IP6K2: variants seen among roughly 807,000 people sequenced by gnomAD.
IP6K2 encodes ATP:1D-myo-inositol-hexakisphosphate phosphotransferase.
A neutral mutation model predicts 43.3 loss-of-function variants in IP6K2; 9 were observed. The observed-to-expected ratio is 0.21, with a 90% CI of 0.13 to 0.36. The LOEUF (loss-of-function observed/expected upper bound fraction) is 0.36. IP6K2 is among the 10% of genes least tolerant of loss of function. IP6K2 has a pLI of 1.00. For synonymous variants in IP6K2, 209 were observed against 202.4 expected (o/e 1.03, Z -0.28); for missense variants, 332 against 538.4 (o/e 0.62, Z 3.79).
chr3:48,693,857 G>C, intron 2 of IP6K2: 1 of 1,167,800 alleles, frequency 8.6e-7, no homozygotes, highest in Non-Finnish European at 1.1e-6. Flanking sequence ...TGGTTGGGGA[G>C]CACAGACATG....
intron 1 of IP6K2, among the ~76,000 whole-genome samples, chr3:48,713,977 T>G (rs1209199104): frequency 6.6e-6 from 1 of 151,118 alleles, no homozygotes; most frequent in Non-Finnish European, 1.5e-5. Context: ...ATTAGCCAGG[T>G]GCGGTGGCAC....
At chr3:48,697,021 CTTT>C (rs1174990891) in intron 1 of IP6K2, among the ~76,000 whole-genome samples, 1 of 143,884 alleles carries the variant, frequency 7.0e-6, no homozygotes, top group Non-Finnish European at 1.5e-5. Flanking sequence ...TGAATTTTTA[CTTT>C]TTTTTTTTTT....
intron 4 of IP6K2, among the ~76,000 whole-genome samples, chr3:48,690,133 A>T (rs1400984486): frequency 6.6e-6 from 1 of 152,224 alleles, no homozygotes; most frequent in Non-Finnish European, 1.5e-5. Context: ...TTTGCTCTTT[A>T]AACGTCTGCT....
At position 48,695,054 on chromosome 3, in the gene IP6K2, G is replaced by A. The variant is rs758121580; in HGVS notation, c.202+36C>T. ...TGGCCACGATCTCTCACATCTCCTCGCCAGTGTGGCAACCCCTCCAGCAGC... is the reference window on the plus strand; with the variant it reads ...TGGCCACGATCTCTCACATCTCCTCACCAGTGTGGCAACCCCTCCAGCAGC... On this transcript the variant is annotated intron_variant, in intron 2 of 5. Transcript: ENST00000328631. The surrounding 1 kb of genome is among the most constrained non-coding windows in gnomAD (Gnocchi z 4.6). 34 of 1,613,996 alleles carry A rather than the reference G, an allele frequency of 2.1e-5. No individual in the cohort carries two copies. The highest frequency in any genetic ancestry group is 1.9e-4 in the South Asian group (17 of 91,086).
chr3:48,696,844 G>C (rs1465803885), intron 1 of IP6K2, among the ~76,000 whole-genome samples: 1 of 151,990 alleles, frequency 6.6e-6, no homozygotes, highest in East Asian at 1.9e-4. Context: ...TATGTCATTT[G>C]GTCCTGACAC....
In IP6K2 at chr3:48,688,898, GCACATGAGCCACTGTC is replaced by G. The variant is rs1185226148; in HGVS notation, c.781-141_781-126del. ...CCAGATCAGATAAAGTACACCAGTT[GCACATGAGCCACTGTC>G]CACTATGCTCTCTGATCAGCCCCCA... On this transcript the variant is annotated intron_variant, in intron 5 of 5. Transcript: ENST00000328631. The surrounding 1 kb of genome is among the most constrained non-coding windows in gnomAD (Gnocchi z 5.1). The G allele has an allele frequency of 2.0e-6, 2 of 1,006,740 alleles. No homozygotes were observed. Among genetic ancestry groups the G allele is most frequent in the Non-Finnish European group, 2.9e-6 (2 of 695,538 alleles). 62.4% of individuals were successfully genotyped at this position (1,006,740 alleles called of 1,614,324 possible).
chr3:48,711,709 C>T (rs1166442133), intron 1 of IP6K2, among the ~76,000 whole-genome samples: 1 of 152,198 alleles, frequency 6.6e-6, no homozygotes, highest in Non-Finnish European at 1.5e-5. Context: ...ATCATAATCT[C>T]AGCAACGTGC....
chr3:48,706,461 T>G (rs2106975821), intron 1 of IP6K2, among the ~76,000 whole-genome samples: 1 of 152,164 alleles, frequency 6.6e-6, no homozygotes, highest in South Asian at 2.1e-4. Flanking sequence ...AACAACCAAA[T>G]AAAGAAATAA....
chr3:48,703,461 T>C (rs1280537258), intron 1 of IP6K2, among the ~76,000 whole-genome samples: 2 of 151,912 alleles, frequency 1.3e-5, no homozygotes, highest in Non-Finnish European at 2.9e-5. Context: ...TCCCAGCACT[T>C]TGGGAGGCCC....
intron 1 of IP6K2, among the ~76,000 whole-genome samples, chr3:48,714,112 G>A (rs760086449): frequency 2.3e-4 from 35 of 152,204 alleles, no homozygotes; most frequent in Non-Finnish European, 4.4e-4. Flanking sequence ...GCGAGACTCC[G>A]TCTCATTAAA....
At chr3:48,690,618 G>A (rs1437897650) in intron 4 of IP6K2, among the ~76,000 whole-genome samples, 1 of 114,450 alleles carries the variant, frequency 8.7e-6, no homozygotes, top group African/African-American at 3.8e-5. Flanking sequence ...GTGAAACCCT[G>A]TCTCCACTAA....
At chr3:48,702,449 C>A (rs963106321) in intron 1 of IP6K2, among the ~76,000 whole-genome samples, 6 of 147,026 alleles carry the variant, frequency 4.1e-5, no homozygotes, top group East Asian at 2.0e-4. Flanking sequence ...GTCACCCCCC[C>A]TTTTTTTTTT....
At chr3:48,701,058 T>C (rs13434258) in intron 1 of IP6K2, among the ~76,000 whole-genome samples, 20,323 of 152,208 alleles carry the variant, frequency 0.13, 1,510 homozygotes, top group African/African-American at 0.2. Flanking sequence ...ATCCCACTCC[T>C]AGGTGTTTAA....
chr3:48,708,795 C>G (rs1272199329), intron 1 of IP6K2, among the ~76,000 whole-genome samples: 1 of 152,094 alleles, frequency 6.6e-6, no homozygotes, highest in African/African-American at 2.4e-5. Context: ...CCATAGGGCC[C>G]GTGTGGTGGC....
rs201473758 is a variant in IP6K2 at position 48,705,654 on chromosome 3, TAAA to T, written c.-130-10236_-130-10234del. On this transcript the variant is annotated intron_variant, in intron 1 of 5. Transcript: ENST00000328631. ...GATGACAGAGCAGGACACTGTCTATTAAAAAAAAAAAAAAGGCTATTCACAAGC... is the reference window on the plus strand; with the variant it reads ...GATGACAGAGCAGGACACTGTCTATTAAAAAAAAAAAGGCTATTCACAAGC... Among the ~76,000 whole-genome samples the T allele has an allele frequency of 6.6e-5, 9 of 136,434 alleles. No homozygotes were observed. The South Asian group carries it at 1.9e-3, about 28-fold the overall frequency. 89.5% of individuals were successfully genotyped at this position (136,434 alleles called of 152,430 possible). A position where few individuals can be genotyped will look rare whatever the true frequency, so the allele number is the denominator to read the frequency against.
intron 1 of IP6K2, among the ~76,000 whole-genome samples, chr3:48,700,441 C>T (rs2078897058): frequency 6.6e-6 from 1 of 151,874 alleles, no homozygotes; most frequent in African/African-American, 2.4e-5. Context: ...TGTGTGGGCC[C>T]AGTACCTAGA....
chr3:48,694,907 G>GCTCA, intron 2 of IP6K2, 183 bp downstream of exon 2: 1 of 1,543,904 alleles, frequency 6.5e-7, no homozygotes, highest in Non-Finnish European at 8.7e-7. Context: ...TCTTACCAGG[G>GCTCA]ATTGAAAACT....
chr3:48,709,011 G>T (rs770203385), intron 1 of IP6K2, among the ~76,000 whole-genome samples: 74 of 152,210 alleles, frequency 4.9e-4, no homozygotes, highest in Admixed American at 1.3e-4. Context: ...CAAGGTTATA[G>T]TGAGCAGAGA....
At chr3:48,693,766 T>C (rs2078003244) in intron 2 of IP6K2, 1 of 1,039,218 alleles carries the variant, frequency 9.6e-7, no homozygotes, top group South Asian at 3.6e-5. Context: ...CCCAGGCCTT[T>C]TGTTCTTATA....
Sources: gnomAD v4.1 joint callset for allele counts (sites outside exome capture counted in the v4.1 genomes callset) on GRCh38, gnomAD v4.1.1 for gene constraint, Gnocchi (gnomAD v3.1) non-coding constraint, MANE v1.5 for transcripts, NCBI Gene and HGNC (gene_info 2026-07-23, HGNC 2026-07-21) for gene names.